ADGRV1: variants seen among roughly 807,000 people sequenced by gnomAD.
The protein encoded by ADGRV1 is G-protein coupled receptor 98.
In ADGRV1, 359 loss-of-function variants were observed where a neutral mutation model predicts 596.2. The ratio of observed to expected loss-of-function variants is 0.60; its 90% CI spans 0.55 to 0.66. ADGRV1 has a LOEUF of 0.66. ADGRV1 is among the 30% of genes least tolerant of loss of function. ADGRV1 has a pLI of 0.00. For synonymous variants in ADGRV1, 2,681 were observed against 2,679.2 expected (o/e 1.00, Z -0.02); for missense variants, 7,274 against 7,575.6 (o/e 0.96, Z 1.48).
At chr5:90,727,074 T>A (rs1173478468) in intron 48 of ADGRV1, among the ~76,000 whole-genome samples, 1 of 152,142 alleles carries the variant, frequency 6.6e-6, no homozygotes, top group Non-Finnish European at 1.5e-5. Context: ...CTGGGATATT[T>A]CTTCCTTGAT....
intron 34 of ADGRV1, among the ~76,000 whole-genome samples, chr5:90,703,359 G>C (rs1009939727): frequency 6.6e-6 from 1 of 151,760 alleles, no homozygotes; most frequent in African/African-American, 2.4e-5. Flanking sequence ...TTAATTTACA[G>C]AACACTTATG....
At chr5:90,770,764 A>G (rs1277683287) in intron 59 of ADGRV1, among the ~76,000 whole-genome samples, 1 of 152,152 alleles carries the variant, frequency 6.6e-6, no homozygotes, top group Non-Finnish European at 1.5e-5. Flanking sequence ...AAATGAGTAA[A>G]ATTCCCCTGA....
intron 83 of ADGRV1, among the ~76,000 whole-genome samples, chr5:90,924,408 T>A (rs1026861691): frequency 6.6e-6 from 1 of 152,106 alleles, no homozygotes; most frequent in Non-Finnish European, 1.5e-5. Context: ...TTCATGTGTG[T>A]TTTGGCTGCA....
chr5:90,820,821 C>G (rs1763419330), intron 75 of ADGRV1, among the ~76,000 whole-genome samples: 2 of 152,040 alleles, frequency 1.3e-5, no homozygotes, highest in African/African-American at 4.8e-5. Flanking sequence ...GAGGGTAACC[C>G]GACCTTTCTC....
chr5:90,704,600 T>A (rs1748355048), intron 36 of ADGRV1, 112 bp downstream of exon 36: 1 of 624,612 alleles, frequency 1.6e-6, no homozygotes, highest in Non-Finnish European at 2.8e-6. Flanking sequence ...AAAATGTTAC[T>A]TTATTATGTG....
In ADGRV1 at chr5:90,920,066, G is replaced by A. The variant is rs562775756; in HGVS notation, c.17857-45349G>A. On this transcript the variant is annotated intron_variant, in intron 83 of 89. Coordinates refer to ENST00000405460, the MANE Select transcript of ADGRV1 (RefSeq NM_032119.4). ...TTACATAACTGTCTTAGCCTGTTCA[G>A]GCTGCTATAACAAATTACCATGGGC... 7.9e-5 allele frequency among the ~76,000 whole-genome samples: 12 copies of A among 151,772 alleles called. No homozygotes were observed. In the South Asian group the frequency reaches 1.2e-3, roughly 16 times the overall value.
intron 87 of ADGRV1, among the ~76,000 whole-genome samples, chr5:91,103,236 G>A (rs1357497954): frequency 6.6e-6 from 1 of 152,050 alleles, no homozygotes; most frequent in Non-Finnish European, 1.5e-5. Context: ...TATCAACTTA[G>A]GAAGGGGAAA....
At chr5:90,750,806 C>T in intron 53 of ADGRV1, 109 bp downstream of exon 53, 2 of 716,682 alleles carry the variant, frequency 2.8e-6, no homozygotes, top group South Asian at 2.3e-5. Context: ...ACCATATCAA[C>T]ACTGAATTCC....
chr5:91,081,396 G>A (rs1247274263), intron 86 of ADGRV1, among the ~76,000 whole-genome samples: 2 of 152,038 alleles, frequency 1.3e-5, no homozygotes, highest in Non-Finnish European at 2.9e-5. Context: ...TTCAATTCTT[G>A]TCTATCCCCA....
chr5:90,848,640 A>G lies in ADGRV1; in HGVS notation c.17023A>G (p.Thr5675Ala). The change falls in exon 79 of 90, where the codon ACT becomes GCT. Residue 5675 changes from threonine to alanine, a missense_variant. Transcript: ENST00000405460. ...SAMMHLIEKITTEGKIQAFSV... is the reference protein window; with the variant it reads ...SAMMHLIEKIATEGKIQAFSV... Reference sequence around the variant, plus strand: ...TATACTTAGATTCTTTTTCCAGATAACTACTGAAGGAAAAATTCAAGCTTT... The same window carrying G: ...TATACTTAGATTCTTTTTCCAGATAGCTACTGAAGGAAAAATTCAAGCTTT... 2.0e-6 allele frequency: 3 copies of G among 1,465,908 alleles called. No individual in the cohort carries two copies. The highest frequency in any genetic ancestry group is 3.1e-5 in the South Asian group (2 of 64,264). 90.8% of individuals were successfully genotyped at this position (1,465,908 alleles called of 1,614,324 possible).
chr5:90,596,119 G>A (rs190618868), intron 1 of ADGRV1, among the ~76,000 whole-genome samples: 2,439 of 148,020 alleles, frequency 0.016, 80 homozygotes, highest in African/African-American at 0.058. Flanking sequence ...ATGGGGTGGC[G>A]GCCGGGCAGA....
At chr5:91,044,343 G>GA (rs1453945980) in intron 85 of ADGRV1, among the ~76,000 whole-genome samples, 2 of 151,876 alleles carry the variant, frequency 1.3e-5, no homozygotes, top group Non-Finnish European at 2.9e-5. Flanking sequence ...ACTTGAAACT[G>GA]AAAAAAATAG....
At chr5:90,787,920 A>AT in intron 67 of ADGRV1, 151 bp from the exon 68 acceptor site, 1 of 550,368 alleles carries the variant, frequency 1.8e-6, no homozygotes. Context: ...ACAAAAAAAA[A>AT]CAAGTTTATG....
At chr5:90,789,328 C>T (rs1163914032) in intron 68 of ADGRV1, among the ~76,000 whole-genome samples, 2 of 152,152 alleles carry the variant, frequency 1.3e-5, no homozygotes, top group African/African-American at 2.4e-5. Context: ...CTCACAGGGC[C>T]TGTTTGCTTC....
intron 79 of ADGRV1, among the ~76,000 whole-genome samples, chr5:90,851,134 T>TGTGTGTGTGTGGGAGAGAGAGAGAGAGA (rs757909771): frequency 1.2e-5 from 1 of 81,448 alleles, no homozygotes; most frequent in Non-Finnish European, 2.6e-5. Flanking sequence ...TGTGTGTGTG[T>TGTGTGTGTGTGGGAGAGAGAGAGAGAGA]GAGAGAGAGA....
chr5:90,716,381 A>T (rs1422759084), intron 42 of ADGRV1, 86 bp from the exon 43 acceptor site: 4 of 921,970 alleles, frequency 4.3e-6, no homozygotes, highest in African/African-American at 1.6e-5. Context: ...GAGTTGGCCT[A>T]GTTTTCAATT....
chr5:90,674,239 C>G lies in ADGRV1; in HGVS notation c.5110+5C>G. The stretch of plus-strand genomic sequence containing the variant: ...AAGCTAGTGATCATCCATATGGTAA[C>G]CTGCTCCTTTTGCAAGAAAAATCCT... On this transcript the variant is annotated splice_donor_5th_base_variant and intron_variant, in intron 23 of 89. Transcript: ENST00000405460. 1 of 1,561,356 alleles carries G rather than the reference C, an allele frequency of 6.4e-7. No individual in the cohort carries two copies. Among genetic ancestry groups the G allele is most frequent in the Non-Finnish European group, 8.7e-7 (1 of 1,155,436 alleles).
At chr5:90,670,730 A>G (rs1246680694) in intron 21 of ADGRV1, among the ~76,000 whole-genome samples, 1 of 152,164 alleles carries the variant, frequency 6.6e-6, no homozygotes, top group Non-Finnish European at 1.5e-5. Flanking sequence ...CCAAACAGCA[A>G]GCAGCAGAGA....
At chr5:91,106,632 GT>G (rs1176077171) in intron 87 of ADGRV1, among the ~76,000 whole-genome samples, 1 of 152,154 alleles carries the variant, frequency 6.6e-6, no homozygotes, top group Non-Finnish European at 1.5e-5. Flanking sequence ...ATGAAATTTG[GT>G]TAACCAATTA....
Sources: allele counts gnomAD v4.1 joint callset (sites outside exome capture counted in the v4.1 genomes callset), GRCh38; gene constraint gnomAD v4.1.1; transcripts MANE v1.5; gene names NCBI Gene and HGNC (gene_info 2026-07-23, HGNC 2026-07-21).